CACNA2D3: variants seen among roughly 807,000 people sequenced by gnomAD.
The protein encoded by CACNA2D3 is voltage-dependent calcium channel subunit alpha-2/delta-3.
In CACNA2D3, 60 loss-of-function variants were observed where a neutral mutation model predicts 160.6. That is an observed-to-expected ratio of 0.37 (90% CI 0.30 to 0.46). The LOEUF is 0.46. Among genes scored for constraint, CACNA2D3 ranks in the 20% least tolerant of loss-of-function variants. The pLI is 1.00. For missense variants in CACNA2D3, 1,205 were observed against 1,365.0 expected (o/e 0.88, Z 1.85); for synonymous variants, 558 against 492.9 (o/e 1.13, Z -1.75).
chr3:54,626,140 T>C, intron 9 of CACNA2D3: 1 of 639,752 alleles, frequency 1.6e-6, no homozygotes, highest in Non-Finnish European at 2.8e-6. Context: ...TCCATTTCAA[T>C]AGAAAAAGCA....
chr3:54,226,407 A>G (rs1217241428), intron 2 of CACNA2D3, among the ~76,000 whole-genome samples: 2 of 149,782 alleles, frequency 1.3e-5, no homozygotes, highest in South Asian at 2.1e-4. Flanking sequence ...GGCTCAAGCA[A>G]TTCTCCCACC....
intron 9 of CACNA2D3, among the ~76,000 whole-genome samples, chr3:54,623,965 A>C (rs1040584817): frequency 7.2e-5 from 11 of 152,082 alleles, no homozygotes; most frequent in Non-Finnish European, 1.0e-4. Context: ...CAGAGGGCTA[A>C]ATGAAGCTCC....
At chr3:54,880,323 A>G (rs1032122924) in intron 20 of CACNA2D3, among the ~76,000 whole-genome samples, 11 of 152,258 alleles carry the variant, frequency 7.2e-5, no homozygotes, top group African/African-American at 4.8e-5. Context: ...GGATTGGGCA[A>G]AGAAGCCTGC....
Position 54,705,302 on chromosome 3 carries a change from A to G in CACNA2D3, c.1168-47297A>G, listed in dbSNP as rs4146963. ...AGTTAGCTCTTGGTGCTGCCAAATT[A>G]TATTGTTTGTGTCAGTGTCTTAGGA... On this transcript the variant is annotated intron_variant, in intron 11 of 37. Transcript: ENST00000474759. 8.0e-4 allele frequency among the ~76,000 whole-genome samples: 121 copies of G among 152,198 alleles called. 1 individual carries two copies. The East Asian group carries it at 0.023, about 28-fold the overall frequency.
intron 4 of CACNA2D3, among the ~76,000 whole-genome samples, chr3:54,466,779 T>C (rs1394566110): frequency 2.6e-5 from 4 of 152,238 alleles, no homozygotes; most frequent in Admixed American, 6.5e-5. Context: ...TGTATAATTA[T>C]AAGTATAGCT....
At chr3:54,895,335 A>G (rs1170043149) in intron 25 of CACNA2D3, among the ~76,000 whole-genome samples, 1 of 152,168 alleles carries the variant, frequency 6.6e-6, no homozygotes, top group East Asian at 1.9e-4. Flanking sequence ...TATTGGGAGG[A>G]GGAAGGTCCC....
At chr3:54,216,147 G>GTGTGTGTGTA (rs1444693766) in intron 2 of CACNA2D3, among the ~76,000 whole-genome samples, 2 of 151,852 alleles carry the variant, frequency 1.3e-5, no homozygotes, top group Non-Finnish European at 2.9e-5. Context: ...GTGTGTGTGT[G>GTGTGTGTGTA]TGTGTGTATG....
intron 11 of CACNA2D3, among the ~76,000 whole-genome samples, chr3:54,665,811 CAG>C (rs766232595): frequency 2.8e-5 from 4 of 144,782 alleles, no homozygotes; most frequent in Non-Finnish European, 6.0e-5. Flanking sequence ...TTTTTTGAGA[CAG>C]GGTTTGCTCT....
At chr3:54,964,935 T>C (rs4955915) in intron 27 of CACNA2D3, among the ~76,000 whole-genome samples, 59,098 of 151,912 alleles carry the variant, frequency 0.39, 13,141 homozygotes, top group East Asian at 0.56. Flanking sequence ...TCCCATTTTA[T>C]AGGCCCTTTC....
At chr3:54,288,276 C>G (rs1026261235) in intron 2 of CACNA2D3, among the ~76,000 whole-genome samples, 1 of 152,188 alleles carries the variant, frequency 6.6e-6, no homozygotes, top group African/African-American at 2.4e-5. Context: ...AAACTACCAT[C>G]AGAAAATACT....
chr3:54,670,009 A>G (rs1248440238), intron 11 of CACNA2D3, among the ~76,000 whole-genome samples: 1 of 152,206 alleles, frequency 6.6e-6, no homozygotes, highest in African/African-American at 2.4e-5. Flanking sequence ...TTCAGGACCA[A>G]GGAAACACTG....
At position 54,140,360 on chromosome 3, in the gene CACNA2D3, G is replaced by C. The variant is rs78776014; in HGVS notation, c.204+16766G>C. Among the ~76,000 whole-genome samples the C allele has an allele frequency of 1.9e-3, 289 of 152,328 alleles. 6 individuals carry two copies. In the East Asian group the frequency reaches 0.053, roughly 28 times the overall value. The stretch of plus-strand genomic sequence containing the variant: ...TAACAGAGATGCAAAAACACTGTAG[G>C]TTCTCCAGTGCTCAGCAAAATACCA... On this transcript the variant is annotated intron_variant, in intron 2 of 37. Coordinates refer to ENST00000474759, the MANE Select transcript of CACNA2D3 (RefSeq NM_018398.3).
chr3:54,591,554 G>A (rs997989162), intron 9 of CACNA2D3, among the ~76,000 whole-genome samples: 2 of 146,804 alleles, frequency 1.4e-5, no homozygotes, highest in Admixed American at 7.0e-5. Context: ...GGAGAGGACT[G>A]TGGTTGAAAA....
chr3:54,945,950 G>A (rs752099610), intron 27 of CACNA2D3, among the ~76,000 whole-genome samples: 23 of 152,164 alleles, frequency 1.5e-4, no homozygotes, highest in African/African-American at 3.4e-4. Flanking sequence ...CCTCTATCCC[G>A]GCTCCTGCTC....
intron 2 of CACNA2D3, among the ~76,000 whole-genome samples, chr3:54,295,941 C>T (rs956438610): frequency 2.0e-5 from 3 of 152,182 alleles, no homozygotes; most frequent in Non-Finnish European, 4.4e-5. Flanking sequence ...TTTCATACCT[C>T]CCTTCCCAAG....
At chr3:54,368,293 C>A (rs560490653) in intron 3 of CACNA2D3, among the ~76,000 whole-genome samples, 30 of 152,282 alleles carry the variant, frequency 2.0e-4, no homozygotes, top group Non-Finnish European at 4.4e-4. Context: ...AATGTAGGGA[C>A]TTGTCTCTAC....
intron 4 of CACNA2D3, among the ~76,000 whole-genome samples, chr3:54,452,148 A>G (rs1450887342): frequency 1.3e-5 from 2 of 152,224 alleles, no homozygotes; most frequent in Non-Finnish European, 1.5e-5. Context: ...CTTATCAAGG[A>G]AAGAGGTTTA....
intron 3 of CACNA2D3, 43 bp from the exon 4 acceptor site, chr3:54,386,672 C>A: frequency 6.6e-7 from 1 of 1,514,204 alleles, no homozygotes; most frequent in South Asian, 1.2e-5. Context: ...GGCCACAATT[C>A]TGATCCTTAA....
chr3:54,240,339 A>C (rs1701953098), intron 2 of CACNA2D3, among the ~76,000 whole-genome samples: 1 of 152,184 alleles, frequency 6.6e-6, no homozygotes, highest in African/African-American at 2.4e-5. Flanking sequence ...AAGATCAGGG[A>C]TGATAAGCAA....
Sources: gnomAD v4.1 joint callset for allele counts (sites outside exome capture counted in the v4.1 genomes callset) on GRCh38, gnomAD v4.1.1 for gene constraint, MANE v1.5 for transcripts, NCBI Gene and HGNC (gene_info 2026-07-23, HGNC 2026-07-21) for gene names.